The following NTN1 variants were observed in gnomAD, a reference collection of about 807,000 sequenced individuals.
NTN1 encodes netrin 1.
In NTN1, 11 loss-of-function variants were observed where a neutral mutation model predicts 54.2. The observed-to-expected ratio is 0.20, with a 90% confidence interval of 0.13 to 0.34. The LOEUF (loss-of-function observed/expected upper bound fraction) is 0.34. Among genes scored for constraint, NTN1 ranks in the 10% least tolerant of loss-of-function variants. The pLI, the probability that NTN1 is intolerant of heterozygous loss-of-function variation, is 1.00. For synonymous variants in NTN1, 371 were observed against 382.0 expected, an observed-to-expected ratio of 0.97 and a Z score of 0.33; for missense variants, 740 against 893.1, an observed-to-expected ratio of 0.83 and a Z score of 2.18.
chr17:9,167,364 C>T (rs2092376267), intron 3 of NTN1, among the ~76,000 whole-genome samples: 1 of 152,122 alleles, frequency 6.6e-6, no homozygotes, highest in African/African-American at 2.4e-5. Context: ...CCATTTCGGC[C>T]CTGCCCCCAT....
At chr17:9,074,516 A>C (rs1365578071) in intron 2 of NTN1, among the ~76,000 whole-genome samples, 1 of 152,196 alleles carries the variant, frequency 6.6e-6, no homozygotes, top group Non-Finnish European at 1.5e-5. Context: ...CAGAGGCGTG[A>C]CTGTGAAGAA....
intron 2 of NTN1, among the ~76,000 whole-genome samples, chr17:9,133,725 T>C (rs1472184330): frequency 1.3e-5 from 2 of 149,266 alleles, no homozygotes; most frequent in Non-Finnish European, 3.0e-5. Flanking sequence ...GTAGCTGAGA[T>C]TACAGGTGCG....
intron 2 of NTN1, among the ~76,000 whole-genome samples, chr17:9,153,856 G>A (rs931260840): frequency 2.0e-5 from 3 of 152,172 alleles, no homozygotes; most frequent in African/African-American, 7.2e-5. Flanking sequence ...TACCTCGCCT[G>A]GCTCTCATGC....
At chr17:9,233,501 G>A (rs1905883792) in intron 6 of NTN1, among the ~76,000 whole-genome samples, 1 of 151,992 alleles carries the variant, frequency 6.6e-6, no homozygotes, top group African/African-American at 2.4e-5. Flanking sequence ...CCAACTTTCT[G>A]GGGTGGTGAC....
At chr17:9,220,951 C>CAGGG (rs1333186923) in intron 5 of NTN1, among the ~76,000 whole-genome samples, 2 of 11,074 alleles carry the variant, frequency 1.8e-4, no homozygotes, top group Admixed American at 1.3e-3. Context: ...TTCGTCAGGC[C>CAGGG]AGGGAGGGGG....
chr17:9,006,753 A>G, the NTN1 span, among the ~76,000 whole-genome samples: 1 of 151,712 alleles, frequency 6.6e-6, no homozygotes, highest in Non-Finnish European at 1.5e-5. Flanking sequence ...ATGCCCTGGT[A>G]GGGCCCTTCT....
chr17:9,037,131 C>G (rs185826604), intron 2 of NTN1, among the ~76,000 whole-genome samples: 4 of 152,338 alleles, frequency 2.6e-5, no homozygotes, highest in Admixed American at 6.5e-5. Flanking sequence ...CCCAACCCCC[C>G]AGGGTAACCA....
chr17:9,096,991 G>C (rs542450415), intron 2 of NTN1, among the ~76,000 whole-genome samples: 41 of 152,260 alleles, frequency 2.7e-4, no homozygotes, highest in Admixed American at 9.8e-4. Flanking sequence ...TTACTTGAAG[G>C]TTCCAAGTTT....
chr17:9,108,787 C>T (rs569626402), intron 2 of NTN1, among the ~76,000 whole-genome samples: 2 of 152,334 alleles, frequency 1.3e-5, no homozygotes, highest in South Asian at 2.1e-4. Context: ...TTTGTCTTAT[C>T]TGCCCACTCT....
chr17:9,085,684 CAA>C (rs2092087856), intron 2 of NTN1, among the ~76,000 whole-genome samples: 1 of 152,222 alleles, frequency 6.6e-6, no homozygotes, highest in Non-Finnish European at 1.5e-5. Context: ...CAGTGACACA[CAA>C]GAGAGGACTT....
rs80268204 is a variant in NTN1, at chr17:9,183,237, T to G, written c.1411+268T>G. The G allele has an allele frequency of 3.7e-3, 2,497 of 668,686 alleles. 48 individuals carry two copies. In the African/African-American group the frequency reaches 0.038, roughly 10 times the overall value. 41.4% of individuals were successfully genotyped at this position (668,686 alleles called of 1,614,324 possible). Reference sequence around the variant, plus strand: ...ACCCTAAAAACTGAGCTCCTTCTACTTGTCCACCAGCTGCCCGCCAGCCCA... The same window carrying G: ...ACCCTAAAAACTGAGCTCCTTCTACGTGTCCACCAGCTGCCCGCCAGCCCA... On this transcript the variant is annotated intron_variant, in intron 5 of 6. Transcript: ENST00000173229.
intron 2 of NTN1, among the ~76,000 whole-genome samples, chr17:9,088,005 C>G (rs2092095162): frequency 6.6e-6 from 1 of 152,236 alleles, no homozygotes; most frequent in Non-Finnish European, 1.5e-5. Context: ...TTGTCCCATG[C>G]TCCCCACTGC....
At chr17:9,023,785 G>T (rs2151507059) in intron 2 of NTN1, among the ~76,000 whole-genome samples, 1 of 152,334 alleles carries the variant, frequency 6.6e-6, no homozygotes, top group Middle Eastern at 3.4e-3. Context: ...GCTCGCGGTT[G>T]GGGACCCCGG....
intron 5 of NTN1, among the ~76,000 whole-genome samples, chr17:9,207,020 G>A (rs917162404): frequency 1.1e-4 from 16 of 152,276 alleles, no homozygotes; most frequent in African/African-American, 3.4e-4. Flanking sequence ...TGGGAGTGCC[G>A]GAATTGCTCG....
chr17:9,227,190 G>A (rs193118539), intron 6 of NTN1, among the ~76,000 whole-genome samples: 23 of 150,298 alleles, frequency 1.5e-4, no homozygotes, highest in East Asian at 9.8e-4. Flanking sequence ...TACCACACAC[G>A]CATGCACACA....
chr17:9,017,401 A>T (rs2091834100), upstream of NTN1, among the ~76,000 whole-genome samples: 1 of 152,128 alleles, frequency 6.6e-6, no homozygotes. Context: ...GATCCAAAGG[A>T]CTTGTTTCAG....
chr17:9,103,258 A>G (rs2092156054), intron 2 of NTN1, among the ~76,000 whole-genome samples: 1 of 152,248 alleles, frequency 6.6e-6, no homozygotes, highest in South Asian at 2.1e-4. Context: ...CGAGAGGTAG[A>G]AACAACCTAA....
chr17:9,169,047 C>T (rs1391058030), intron 3 of NTN1, among the ~76,000 whole-genome samples: 1 of 152,232 alleles, frequency 6.6e-6, no homozygotes, highest in Non-Finnish European at 1.5e-5. Context: ...TTCACTCCAA[C>T]TGTGATCTGT....
chr17:9,015,151 C>T, the NTN1 span, among the ~76,000 whole-genome samples: 6 of 152,194 alleles, frequency 3.9e-5, no homozygotes, highest in Non-Finnish European at 7.3e-5. Context: ...TGGCTCATGC[C>T]TGTAATCCTA....
Sources: allele counts gnomAD v4.1 joint callset (sites outside exome capture counted in the v4.1 genomes callset), GRCh38; gene constraint gnomAD v4.1.1; transcripts MANE v1.5; gene names NCBI Gene and HGNC (gene_info 2026-07-23, HGNC 2026-07-21).